NF1: variants seen among roughly 807,000 people sequenced by gnomAD.
NF1 encodes neurofibromin 1.
Under a neutral mutation model 325.7 loss-of-function variants are expected in NF1, and 122 were observed. The observed-to-expected ratio is 0.37, with a 90% CI of 0.32 to 0.44. NF1 has a LOEUF of 0.44. NF1 is among the 20% of genes least tolerant of loss of function. The pLI is 1.00. For synonymous variants in NF1, 1,091 were observed against 1,186.0 expected (o/e 0.92, Z 1.65); for missense variants, 2,140 against 3,415.4 (o/e 0.63, Z 9.31).
intron 52 of NF1, 34 bp from the exon 53 acceptor site, chr17:31,356,926 T>TAAC (rs1567626834): frequency 6.2e-7 from 1 of 1,612,906 alleles, no homozygotes; most frequent in East Asian, 2.2e-5. Flanking sequence ...ATTATCCAGG[T>TAAC]GTTTGATCAC....
In NF1 at chr17:31,206,237, T is replaced by A. The variant is rs761761583; in HGVS notation, c.1261-3T>A. 1 of 1,613,698 alleles carries A rather than the reference T, an allele frequency of 6.2e-7. No individual in the cohort carries two copies. Among genetic ancestry groups the A allele is most frequent in the South Asian group, 1.1e-5 (1 of 91,070 alleles). ...CTTCCTATTGGTCTTTGTTTTTCTC[T>A]AGTCCGCATTGGATTGGTGGCCTAA... On this transcript the variant is annotated splice_region_variant and splice_polypyrimidine_tract_variant and intron_variant, in intron 11 of 57. Coordinates refer to ENST00000358273, the MANE Select transcript of NF1 (RefSeq NM_001042492.3).
At chr17:31,314,169 G>GTTTATTATT (rs2068962388) in intron 36 of NF1, 3 of 393,818 alleles carry the variant, frequency 7.6e-6, no homozygotes, top group African/African-American at 6.2e-5. Context: ...AAACCACAAA[G>GTTTATTATT]TGACTAAGAA....
At position 31,235,639 on chromosome 17, in the gene NF1, T is replaced by A. The variant is rs2151437777; in HGVS notation, c.3737T>A (p.Leu1246Gln). The A allele has an allele frequency of 6.2e-7, 1 of 1,614,176 alleles. No individual in the cohort carries two copies. Among genetic ancestry groups the A allele is most frequent in the Non-Finnish European group, 8.5e-7 (1 of 1,180,018 alleles). The change falls in exon 28 of 58, where the codon CTG becomes CAG. Residue 1246 changes from leucine (L) to glutamine (Q), a missense_variant. Transcript: ENST00000358273. ...GAACTAGCTCGAGTTCTGGTTACTC[T>A]GTTTGATTCTCGGCATTTACTCTAC... ...WDELARVLVT[L>Q]FDSRHLLYQL... is the part of the protein sequence containing the mutation.
At chr17:31,295,002 C>G (rs981042591) in intron 36 of NF1, 2 of 1,613,902 alleles carry the variant, frequency 1.2e-6, no homozygotes, top group African/African-American at 2.7e-5. Context: ...TCAGAAAATG[C>G]AGACCCTCAG....
rs766592735 is a variant in NF1 at position 31,230,402 on chromosome 17, A to G, written c.3113+20A>G. Reference sequence around the variant, plus strand: ...ATTTAGGTGAGTTCTCAAAAGAGCAATGTAGGGTCTTGTAAATCTTAATAT... The same window carrying G: ...ATTTAGGTGAGTTCTCAAAAGAGCAGTGTAGGGTCTTGTAAATCTTAATAT... On this transcript the variant is annotated intron_variant, in intron 23 of 57. Transcript: ENST00000358273. 2 of 1,612,944 alleles carry G rather than the reference A, an allele frequency of 1.2e-6. No homozygotes were observed. Among genetic ancestry groups the G allele is most frequent in the Non-Finnish European group, 1.7e-6 (2 of 1,179,180 alleles).
At chr17:31,227,492 T>C in intron 19 of NF1, 31 bp from the exon 20 acceptor site, 1 of 1,609,446 alleles carries the variant, frequency 6.2e-7, no homozygotes, top group Non-Finnish European at 8.5e-7. Flanking sequence ...TAGACTAAGT[T>C]GCTTTCAAGT....
chr17:31,120,114 A>T (rs1465875318), intron 1 of NF1, among the ~76,000 whole-genome samples: 1 of 152,122 alleles, frequency 6.6e-6, no homozygotes, highest in Non-Finnish European at 1.5e-5. Context: ...GTTCCCTATG[A>T]AATTTAAAGT....
At chr17:31,164,246 T>G (rs2065809620) in intron 4 of NF1, among the ~76,000 whole-genome samples, 1 of 152,250 alleles carries the variant, frequency 6.6e-6, no homozygotes, top group Admixed American at 6.5e-5. Flanking sequence ...TAAAATATAC[T>G]TCTGTTTTTA....
chr17:31,280,834 AT>A lies in NF1; in HGVS notation c.4835+15509del, dbSNP rs541226260. Among the ~76,000 whole-genome samples the A allele has an allele frequency of 3.6e-3, 489 of 134,562 alleles. 1 individual carries two copies. The highest frequency in any genetic ancestry group is 4.1e-3 in the Admixed American group (55 of 13,510). 88.3% of individuals were successfully genotyped at this position (134,562 alleles called of 152,430 possible). ...AAGGTATTCATGTATTACTTCGGGGATTTTTTTTTTTTTTGCCATTTCTTCA... is the reference window on the plus strand; with the variant it reads ...AAGGTATTCATGTATTACTTCGGGGATTTTTTTTTTTTTGCCATTTCTTCA... On this transcript the variant is annotated intron_variant, in intron 36 of 57. Coordinates refer to ENST00000358273, the MANE Select transcript of NF1 (RefSeq NM_001042492.3).
intron 1 of NF1, chr17:31,136,383 C>G (rs189687605): frequency 1.3e-5 from 2 of 152,032 alleles, no homozygotes; most frequent in Non-Finnish European, 2.9e-5. Flanking sequence ...CCGCTCCCCC[C>G]ACAACCACTT....
intron 1 of NF1, among the ~76,000 whole-genome samples, chr17:31,099,074 T>C (rs1282938134): frequency 6.6e-6 from 1 of 152,196 alleles, no homozygotes; most frequent in Non-Finnish European, 1.5e-5. Context: ...AGAGTTTGCC[T>C]GTTGGACCAC....
Position 31,326,349 on chromosome 17 carries a change from G to T in NF1, c.5268+97G>T, listed in dbSNP as rs1222298693. The T allele has an allele frequency of 3.5e-5, 43 of 1,226,358 alleles. 1 individual carries two copies. The Admixed American group carries it at 7.9e-4, about 23-fold the overall frequency. 76.0% of individuals were successfully genotyped at this position (1,226,358 alleles called of 1,614,324 possible). On this transcript the variant is annotated intron_variant, in intron 37 of 57. Transcript: ENST00000358273. Reference sequence around the variant, plus strand: ...CTAGGTGTCCTACCCCTATAGTGGTGTATAAAATGTCACGTAAGGCTGTCG... The same window carrying T: ...CTAGGTGTCCTACCCCTATAGTGGTTTATAAAATGTCACGTAAGGCTGTCG...
intron 36 of NF1, among the ~76,000 whole-genome samples, chr17:31,293,277 G>C (rs915313965): frequency 2.0e-5 from 3 of 150,768 alleles, no homozygotes; most frequent in Admixed American, 1.3e-4. Flanking sequence ...ATGTGGTAGA[G>C]TAGGGATTAT....
chr17:31,122,843 T>A (rs1280255097), intron 1 of NF1, among the ~76,000 whole-genome samples: 2 of 149,922 alleles, frequency 1.3e-5, no homozygotes, highest in African/African-American at 4.9e-5. Flanking sequence ...TCAAGAGGAC[T>A]TCTAGGCTTA....
chr17:31,351,505 C>G (rs932005525), intron 50 of NF1, among the ~76,000 whole-genome samples: 1 of 152,204 alleles, frequency 6.6e-6, no homozygotes, highest in African/African-American at 2.4e-5. Context: ...CAACCTCCGC[C>G]TCCTGGGTTC....
intron 8 of NF1, among the ~76,000 whole-genome samples, chr17:31,200,088 A>G (rs2066499032): frequency 6.6e-6 from 1 of 151,758 alleles, no homozygotes; most frequent in African/African-American, 2.4e-5. Context: ...ATGAGCCAAG[A>G]TCGTGCCTTT....
Position 31,219,040 on chromosome 17 carries a change from T to TA in NF1, c.1564dup (p.Thr522AsnfsTer36), listed in dbSNP as rs2066874810. On this transcript the variant is annotated frameshift_variant, in exon 14 of 58. Coordinates refer to ENST00000358273, the MANE Select transcript of NF1 (RefSeq NM_001042492.3). LOFTEE classifies it high-confidence loss of function. ...AACAGGGGCCCGAAACCCAAGGCAG[T>TA]ACAGCAGAATTAATTACAGGGCTCG... The TA allele has an allele frequency of 6.2e-7, 1 of 1,613,854 alleles. No homozygotes were observed. Among genetic ancestry groups the TA allele is most frequent in the Non-Finnish European group, 8.5e-7 (1 of 1,179,884 alleles).
chr17:31,219,095 G>GA lies in NF1; in HGVS notation c.1619dup (p.Ile541AspfsTer17). 6.2e-7 allele frequency: 1 copy of GA among 1,613,766 alleles called. No individual in the cohort carries two copies. The highest frequency in any genetic ancestry group is 8.5e-7 in the Non-Finnish European group (1 of 1,179,846). The stretch of plus-strand genomic sequence containing the variant: ...ACTGGTCCCTCAGTCACACATGCCA[G>GA]AGATTGCTCAGGAAGCAATGGAGGT... On this transcript the variant is annotated frameshift_variant, in exon 14 of 58. Transcript: ENST00000358273. LOFTEE classifies it high-confidence loss of function.
intron 1 of NF1, among the ~76,000 whole-genome samples, chr17:31,097,803 T>C (rs1911897256): frequency 6.6e-6 from 1 of 152,130 alleles, no homozygotes; most frequent in African/African-American, 2.4e-5. Context: ...TTCACGTGAT[T>C]CTCCTGCTTC....
Sources: gnomAD v4.1 joint callset for allele counts (sites outside exome capture counted in the v4.1 genomes callset) on GRCh38, gnomAD v4.1.1 for gene constraint, MANE v1.5 for transcripts, NCBI Gene and HGNC (gene_info 2026-07-23, HGNC 2026-07-21) for gene names.